Variants in PUM2 observed in about 807,000 individuals in gnomAD.
PUM2 encodes the protein pumilio homolog 2.
Under a neutral mutation model 124.5 loss-of-function variants are expected in PUM2, and 57 were observed. The ratio of observed to expected loss-of-function variants is 0.46; its 90% confidence interval spans 0.37 to 0.57. The LOEUF (loss-of-function observed/expected upper bound fraction) is 0.57, where lower values mean the gene tolerates loss of function less well. Among genes scored for constraint, PUM2 ranks in the 20% least tolerant of loss-of-function variants. The pLI, the probability that PUM2 is intolerant of heterozygous loss-of-function variation, is 0.00. For missense variants in PUM2, 1,065 were observed against 1,290.6 expected (o/e 0.83, Z 2.68); for synonymous variants, 460 against 446.1 (o/e 1.03, Z -0.39).
chr2:20,348,936 GA>G (rs559650921), intron 1 of PUM2, among the ~76,000 whole-genome samples: 1 of 152,008 alleles, frequency 6.6e-6, no homozygotes, highest in African/African-American at 2.4e-5. Context: ...TCTCAAACAA[GA>G]AAAAAAGATT....
At chr2:20,341,291 T>C (rs1020791436) in intron 1 of PUM2, among the ~76,000 whole-genome samples, 5 of 152,188 alleles carry the variant, frequency 3.3e-5, no homozygotes, top group Non-Finnish European at 7.3e-5. Flanking sequence ...AGATATTTAC[T>C]GCAGCACCAC....
chr2:20,322,822 CAAACA>C (rs1192132396), intron 2 of PUM2, among the ~76,000 whole-genome samples: 1 of 151,638 alleles, frequency 6.6e-6, no homozygotes, highest in Non-Finnish European at 1.5e-5. Context: ...AAACAAAAAA[CAAACA>C]AAACAAACAA....
At chr2:20,258,819 C>A (rs1281624424) in intron 15 of PUM2, among the ~76,000 whole-genome samples, 2 of 151,590 alleles carry the variant, frequency 1.3e-5, no homozygotes, top group Non-Finnish European at 2.9e-5. Context: ...AGGCGCCCGC[C>A]ACCGCGCCCG....
chr2:20,294,659 T>C (rs563965689), intron 8 of PUM2, 141 bp from the exon 9 acceptor site: 86 of 1,003,388 alleles, frequency 8.6e-5, no homozygotes, highest in South Asian at 1.6e-4. Context: ...AGACAAAGTA[T>C]TGATGGGTGA....
intron 9 of PUM2, among the ~76,000 whole-genome samples, chr2:20,292,605 A>G (rs1379781042): frequency 6.8e-6 from 1 of 147,068 alleles, no homozygotes; most frequent in African/African-American, 2.4e-5. Context: ...CAAGTGATCC[A>G]CTGCACCCGG....
In PUM2 at chr2:20,350,809, C is replaced by T. The variant is rs1023813096; in HGVS notation, c.-231G>A. 1.1e-5 allele frequency: 11 copies of T among 981,574 alleles called. No individual in the cohort carries two copies. The highest frequency in any genetic ancestry group is 5.2e-4 in the Middle Eastern group (1 of 1,938). 60.8% of individuals were successfully genotyped at this position (981,574 alleles called of 1,614,324 possible). ...ACCGAGGGTGAGACACAGAGACTCA[C>T]AACAACATGGCTGCCACCGCCGCCT... On this transcript the variant is annotated 5_prime_UTR_variant, in exon 1 of 21. In the 5' UTR this introduces an upstream ATG that the reference lacks. Coordinates refer to ENST00000361078, the MANE Select transcript of PUM2 (RefSeq NM_015317.5).
intron 8 of PUM2, among the ~76,000 whole-genome samples, chr2:20,296,720 T>TA (rs1358302609): frequency 4.0e-5 from 6 of 148,930 alleles, no homozygotes; most frequent in Admixed American, 3.4e-4. Context: ...GTATAATCAA[T>TA]ATAAACAATG....
In PUM2 at chr2:20,318,583, T is replaced by C. The variant is rs199762988; in HGVS notation, c.114A>G (p.Ile38Met). The change falls in exon 3 of 21, where the codon ATA (isoleucine) becomes ATG (methionine). Residue 38 changes from isoleucine (I) to methionine (M), a missense_variant. By Grantham distance (10) the Ile-to-Met change is conservative. Transcript: ENST00000361078. ...CTCTCCATTCATCATCCCCAAGAAA[T>C]ATGCCTTTTTGTCCATCTTTTGTTG... ...DDSTKDGQKG[I>M]FLGDDEWRET... 1.2e-6 allele frequency: 2 copies of C among 1,613,790 alleles called. No individual in the cohort carries two copies. The highest frequency in any genetic ancestry group is 1.7e-5 in the Admixed American group (1 of 60,014).
At chr2:20,344,080 T>C (rs1224647610) in intron 1 of PUM2, among the ~76,000 whole-genome samples, 2 of 152,250 alleles carry the variant, frequency 1.3e-5, no homozygotes, top group Non-Finnish European at 2.9e-5. Context: ...CTTTATTTTA[T>C]TTTTTGAGAC....
intron 1 of PUM2, among the ~76,000 whole-genome samples, chr2:20,336,572 A>G (rs1392269622): frequency 6.6e-6 from 1 of 151,824 alleles, no homozygotes; most frequent in Non-Finnish European, 1.5e-5. Context: ...GATGGAGCAC[A>G]GTGACGTAAT....
chr2:20,258,128 T>C (rs1665254886), intron 16 of PUM2, 115 bp downstream of exon 16: 2 of 937,066 alleles, frequency 2.1e-6, no homozygotes, highest in African/African-American at 3.3e-5. Flanking sequence ...CATTTTAGTC[T>C]AGTTGTGGAA....
At position 20,301,372 on chromosome 2, in the gene PUM2, T is replaced by TA. The variant is rs201736389; in HGVS notation, c.884-3695dup. On this transcript the variant is annotated intron_variant, in intron 7 of 20. Coordinates refer to ENST00000361078, the MANE Select transcript of PUM2 (RefSeq NM_015317.5). The stretch of plus-strand genomic sequence containing the variant: ...TAAAAAATCTAAAAGTTTAATTTAA[T>TA]ATAGTTTTATGATAAAAAGATTGTT... Among the ~76,000 whole-genome samples the TA allele has an allele frequency of 7.0e-3, 1,065 of 152,338 alleles. 11 individuals carry two copies. The highest frequency in any genetic ancestry group is 0.024 in the African/African-American group (980 of 41,580).
At chr2:20,294,228 C>A in intron 9 of PUM2, 148 bp downstream of exon 9, 11 of 759,288 alleles carry the variant, frequency 1.4e-5, no homozygotes, top group East Asian at 2.8e-5. Context: ...AAATAAAATC[C>A]CATGCATAAA....
chr2:20,283,036 C>G lies in PUM2; in HGVS notation c.1631G>C (p.Gly544Ala), dbSNP rs768030095. 2 of 1,614,016 alleles carry G rather than the reference C, an allele frequency of 1.2e-6. No individual in the cohort carries two copies. Among genetic ancestry groups the G allele is most frequent in the Non-Finnish European group, 1.7e-6 (2 of 1,179,994 alleles). Residue 544 changes from glycine (G) to alanine (A), a missense_variant, in exon 12 of 21, where the codon GGT (glycine) becomes GCT (alanine). Physicochemically the swap from Gly to Ala is moderately conservative, Grantham distance 60. Coordinates refer to ENST00000361078, the MANE Select transcript of PUM2 (RefSeq NM_015317.5). ...QSSSLFSHGP[G>A]QPGSTSLGFG... ...GCCAAGAGATGTACTTCCAGGTTGA[C>G]CAGGTCCATGAGAAAATAAAGAACT... is the stretch of plus-strand genomic sequence containing the variant.
intron 1 of PUM2, chr2:20,350,298 A>C (rs1689063827): frequency 8.4e-6 from 2 of 237,522 alleles, no homozygotes; most frequent in East Asian, 1.8e-4. Context: ...CAGCGCGCCG[A>C]ATCGGAGGGA....
At chr2:20,281,178 AG>A (rs531258647) in intron 12 of PUM2, among the ~76,000 whole-genome samples, 15 of 152,286 alleles carry the variant, frequency 9.8e-5, no homozygotes, top group African/African-American at 3.4e-4. Flanking sequence ...ACTGGCATTC[AG>A]GGGTGGCAAT....
chr2:20,345,267 T>C (rs1453938767), intron 1 of PUM2, among the ~76,000 whole-genome samples: 2 of 151,778 alleles, frequency 1.3e-5, no homozygotes, highest in African/African-American at 4.8e-5. Context: ...CGTGCCACCA[T>C]GCCAGACTAA....
chr2:20,308,349 T>C lies in PUM2; in HGVS notation c.754A>G (p.Thr252Ala). 1.9e-6 allele frequency: 3 copies of C among 1,614,044 alleles called. No homozygotes were observed. The highest frequency in any genetic ancestry group is 2.5e-6 in the Non-Finnish European group (3 of 1,179,900). Reference sequence around the variant, plus strand: ...GAATTGTAGTCAAAAAGGCCTACAGTAGCTCCTGAAGAGTCCATTGGTACC... The same window carrying C: ...GAATTGTAGTCAAAAAGGCCTACAGCAGCTCCTGAAGAGTCCATTGGTACC... ...NQVPMDSSGA[T>A]VGLFDYNSQQ... The change falls in exon 6 of 21, where the codon ACT (threonine) becomes GCT (alanine). Residue 252 changes from threonine (T) to alanine (A), a missense_variant. Thr to Ala is a moderately conservative substitution (Grantham distance 58, BLOSUM62 0). Coordinates refer to ENST00000361078, the MANE Select transcript of PUM2 (RefSeq NM_015317.5).
At chr2:20,348,901 G>C (rs1043426513) in intron 1 of PUM2, among the ~76,000 whole-genome samples, 1 of 152,264 alleles carries the variant, frequency 6.6e-6, no homozygotes, top group Non-Finnish European at 1.5e-5. Flanking sequence ...CTGCACTGCA[G>C]TCTGGGCGAC....
Sources: gnomAD v4.1 joint callset for allele counts (sites outside exome capture counted in the v4.1 genomes callset) on GRCh38, gnomAD v4.1.1 for gene constraint, MANE v1.5 for transcripts, NCBI Gene and HGNC (gene_info 2026-07-23, HGNC 2026-07-21) for gene names.